The following FASN variants were observed in gnomAD, a reference collection of about 807,000 sequenced individuals.
FASN encodes the protein 3-hydroxyacyl-[acyl-carrier-protein] dehydratase.
Under a neutral mutation model 250.0 loss-of-function variants are expected in FASN, and 50 were observed. The observed-to-expected ratio is 0.20, with a 90% CI of 0.16 to 0.25. The LOEUF is 0.25. FASN is among the 10% of genes least tolerant of loss of function. The pLI, the probability that FASN is intolerant of heterozygous loss-of-function variation, is 1.00. For synonymous variants in FASN, 1,909 were observed against 1,584.0 expected, an observed-to-expected ratio of 1.21 and a Z score of -4.87; for missense variants, 3,031 against 3,498.5, an observed-to-expected ratio of 0.87 and a Z score of 3.37.
At chr17:82,097,974 C>A (rs894166977) in intron 1 of FASN, 147 bp downstream of exon 1, 2 of 279,076 alleles carry the variant, frequency 7.2e-6, no homozygotes, top group Non-Finnish European at 1.3e-5. Flanking sequence ...CACCGAGACC[C>A]GGACAGGCCG....
At chr17:82,093,920 C>T in intron 3 of FASN, 149 bp from the exon 4 acceptor site, 1 of 837,862 alleles carries the variant, frequency 1.2e-6, no homozygotes, top group South Asian at 1.5e-5. Flanking sequence ...TGGAAGGGGC[C>T]TAAGGAGGGT....
Position 82,093,427 on chromosome 17 carries a change from G to A in FASN, c.455-8C>T, listed in dbSNP as rs554957378. On this transcript the variant is annotated splice_region_variant and splice_polypyrimidine_tract_variant and intron_variant, in intron 4 of 42. Transcript: ENST00000306749. ...CCAGTGCGATGCTGGGCCCTGCAAGGAAGGGTGCTGCGGCTCAGGTGGGGC... is the reference window on the plus strand; with the variant it reads ...CCAGTGCGATGCTGGGCCCTGCAAGAAAGGGTGCTGCGGCTCAGGTGGGGC... 6.3e-7 allele frequency: 1 copy of A among 1,597,350 alleles called. No individual in the cohort carries two copies. The highest frequency in any genetic ancestry group is 1.1e-5 in the South Asian group (1 of 88,792).
intron 40 of FASN, 66 bp from the exon 41 acceptor site, chr17:82,080,304 A>C: frequency 6.2e-7 from 1 of 1,611,450 alleles, no homozygotes; most frequent in South Asian, 1.1e-5. Flanking sequence ...CGGTCCCCCA[A>C]AGCCAGGGCA....
At chr17:82,085,901 C>CA in intron 22 of FASN, 30 bp from the exon 23 acceptor site, 1 of 1,504,054 alleles carries the variant, frequency 6.6e-7, no homozygotes, top group South Asian at 1.3e-5. Context: ...GAATCAGCCC[C>CA]ACACCAGGCA....
intron 5 of FASN, 91 bp downstream of exon 5, chr17:82,093,128 G>A (rs41283369): frequency 0.023 from 35,913 of 1,549,066 alleles, 488 homozygotes; most frequent in Non-Finnish European, 0.027. Context: ...GATCCCCGGA[G>A]CTGGCAGGAT....
Position 82,083,742 on chromosome 17 carries a change from AGGCAGGTGGGG to A in FASN, c.5218+19_5218+29del. 1 of 1,610,896 alleles carries A rather than the reference AGGCAGGTGGGG, an allele frequency of 6.2e-7. No homozygotes were observed. Among genetic ancestry groups the A allele is most frequent in the Non-Finnish European group, 8.5e-7 (1 of 1,179,498 alleles). ...CTCCCTGGGCCGGAGGCTAGGCAGGAGGCAGGTGGGGGCTGTGGGGGCCACTCACCCTTCCC... is the reference window on the plus strand; with the variant it reads ...CTCCCTGGGCCGGAGGCTAGGCAGGAGCTGTGGGGGCCACTCACCCTTCCC... On this transcript the variant is annotated intron_variant, in intron 30 of 42. Transcript: ENST00000306749.
rs1568114836 is a variant in FASN, at chr17:82,090,923, CA to C, written c.1638del (p.Phe546LeufsTer9). ...QLLLSTDEST[F>X]DDIVHSFVSL... ...CTCACAAACGAATGGACGATGTCAT[CA>C]AAGGTGCTCTCGTCTGTGCTCAGCA... On this transcript the variant is annotated frameshift_variant, in exon 10 of 43. Transcript: ENST00000306749. LOFTEE classifies it high-confidence loss of function. The C allele has an allele frequency of 6.2e-7, 1 of 1,610,424 alleles. No individual in the cohort carries two copies. Among genetic ancestry groups the C allele is most frequent in the Non-Finnish European group, 8.5e-7 (1 of 1,178,930 alleles).
Position 82,081,336 on chromosome 17 carries a change from A to C in FASN, c.6423T>G (p.Ala2141=). ...VAHILGIRDL[A]AVNLDSSLAD... is the part of the protein sequence containing the mutation. ...CCAGTGAGCTGTCCAGGTTGACAGC[A>C]GCCAAGTCGCGGATGCCTGGAAGGG... Residue 2141 remains alanine (A), a synonymous_variant, in exon 38 of 43, where the codon GCT becomes GCG. Transcript: ENST00000306749. 1 of 1,558,882 alleles carries C rather than the reference A, an allele frequency of 6.4e-7. No homozygotes were observed. The highest frequency in any genetic ancestry group is 8.7e-7 in the Non-Finnish European group (1 of 1,152,014).
Position 82,092,680 on chromosome 17 carries a change from G to C in FASN, c.894+17C>G, listed in dbSNP as rs1469681243. The C allele has an allele frequency of 1.4e-3, 1 of 718 alleles. No individual in the cohort carries two copies. Among genetic ancestry groups the C allele is most frequent in the Non-Finnish European group, 1.7e-3 (1 of 588 alleles). 0.0% of individuals were successfully genotyped at this position (718 alleles called of 1,614,324 possible). On this transcript the variant is annotated intron_variant, in intron 7 of 42. Transcript: ENST00000306749. ...GGCTCATGGGGTGGTGAGTGGGGCG[G>C]GGGGGGGGGGCATCACCTTGGTGCC... is the stretch of plus-strand genomic sequence containing the variant.
At chr17:82,083,949 G>T in intron 29 of FASN, 26 bp downstream of exon 29, 1 of 1,545,028 alleles carries the variant, frequency 6.5e-7, no homozygotes. Flanking sequence ...GGAGGGCAGC[G>T]GGAGGCACCG....
At chr17:82,095,932 C>T (rs1035270385) in intron 2 of FASN, among the ~76,000 whole-genome samples, 3 of 152,220 alleles carry the variant, frequency 2.0e-5, no homozygotes, top group Non-Finnish European at 4.4e-5. Flanking sequence ...GCCGGAAGGG[C>T]TCTGGCCCCC....
chr17:82,083,252 C>T lies in FASN; in HGVS notation c.5515G>A (p.Ala1839Thr), dbSNP rs1358061085. Reference sequence around the variant, plus strand: ...TTCCCTTGGGCCATGTAGCGGAAGGCGTCCTCCACCTGGGCCCCATGGAAC... The same window carrying T: ...TTCCCTTGGGCCATGTAGCGGAAGGTGTCCTCCACCTGGGCCCCATGGAAC... Reference protein sequence around the residue: ...TVFHGAQVEDAFRYMAQGKHI... With the variant: ...TVFHGAQVEDTFRYMAQGKHI... Residue 1839 changes from alanine to threonine, a missense_variant, in exon 32 of 43, where the codon GCC (alanine) becomes ACC (threonine). Ala to Thr is a moderately conservative substitution (Grantham distance 58). Coordinates refer to ENST00000306749, the MANE Select transcript of FASN (RefSeq NM_004104.5). The T allele has an allele frequency of 3.1e-6, 5 of 1,612,600 alleles. No homozygotes were observed. Among genetic ancestry groups the T allele is most frequent in the African/African-American group, 1.3e-5 (1 of 74,918 alleles).
rs772266342 is a variant in FASN at position 82,088,715 on chromosome 17, C to T, written c.2420+46G>A. 14 of 1,571,326 alleles carry T rather than the reference C, an allele frequency of 8.9e-6. No homozygotes were observed. In the East Asian group the frequency reaches 1.1e-4, roughly 13 times the overall value. The stretch of plus-strand genomic sequence containing the variant: ...GCAGCCCCGCTCACCCACCCCACGC[C>T]GTCCCCGACTCCGGGAGACGAGACC... On this transcript the variant is annotated intron_variant, in intron 15 of 42. Transcript: ENST00000306749.
chr17:82,083,695 T>C, intron 30 of FASN, 56 bp from the exon 31 acceptor site: 1 of 1,605,162 alleles, frequency 6.2e-7, no homozygotes, highest in Non-Finnish European at 8.5e-7. Context: ...GCCACCACAG[T>C]CCAGAGGGCC....
Position 82,087,116 on chromosome 17 carries a change from G to C in FASN, c.3361C>G (p.Pro1121Ala). ...VPILEKFCFT[P>A]HTEEGCLSER... is the part of the protein sequence containing the mutation. The stretch of plus-strand genomic sequence containing the variant: ...GACAGGCACCCCTCCTCCGTGTGGG[G>C]AGTGAAGCAAAACTTCTCCAGGATG... The change falls in exon 21 of 43, where the codon CCC becomes GCC. Residue 1121 changes from proline (P) to alanine (A), a missense_variant. By Grantham distance (27) the Pro-to-Ala change is conservative. Transcript: ENST00000306749. The C allele has an allele frequency of 1.2e-6, 2 of 1,612,140 alleles. No individual in the cohort carries two copies. The highest frequency in any genetic ancestry group is 2.2e-5 in the South Asian group (2 of 91,000).
At position 82,084,693 on chromosome 17, in the gene FASN, G is replaced by A; in HGVS notation, c.4588C>T (p.His1530Tyr). The change falls in exon 27 of 43, where the codon CAT (histidine) becomes TAT (tyrosine). Residue 1530 changes from histidine (H) to tyrosine (Y), a missense_variant. Coordinates refer to ENST00000306749, the MANE Select transcript of FASN (RefSeq NM_004104.5). ...CGGGTGAGGGTGCTCACAAAGGCAT[G>A]TGCCGTCGGCTCCTCAGGCTTGTCT... The part of the protein sequence containing the change: ...EEDKPEEPTA[H>Y]AFVSTLTRGD... The A allele has an allele frequency of 2.5e-6, 4 of 1,572,550 alleles. No individual in the cohort carries two copies. The highest frequency in any genetic ancestry group is 3.5e-6 in the Non-Finnish European group (4 of 1,159,320).
chr17:82,087,818 G>C lies in FASN; in HGVS notation c.2910C>G (p.Asp970Glu), dbSNP rs767695321. 1.2e-6 allele frequency: 2 copies of C among 1,612,628 alleles called. No homozygotes were observed. Among genetic ancestry groups the C allele is most frequent in the Non-Finnish European group, 1.7e-6 (2 of 1,179,912 alleles). ...GGTTGGGGGTGGGGCTTTCCGGGTG[G>C]TCGAAGAGCCTGGGGTCAGGGTCAT... ...QWDDPDPRLF[D>E]HPESPTPNPT... The change falls in exon 19 of 43, where the codon GAC (aspartate) becomes GAG (glutamate). Residue 970 changes from aspartate (D) to glutamate (E), a missense_variant. By Grantham distance (45) the Asp-to-Glu change is conservative (BLOSUM62 2). Coordinates refer to ENST00000306749, the MANE Select transcript of FASN (RefSeq NM_004104.5).
Position 82,083,071 on chromosome 17 carries a change from G to C in FASN, c.5610C>G (p.Pro1870=), listed in dbSNP as rs2034020515. 1 of 1,611,918 alleles carries C rather than the reference G, an allele frequency of 6.2e-7. No individual in the cohort carries two copies. The highest frequency in any genetic ancestry group is 8.5e-7 in the Non-Finnish European group (1 of 1,179,976). Residue 1870 remains proline, a synonymous_variant, in exon 33 of 43, where the codon CCC becomes CCG. Coordinates refer to ENST00000306749, the MANE Select transcript of FASN (RefSeq NM_004104.5). ...EPEAVLKGAK[P]KLMSAISKTF... ...TCTTGGAGATGGCCGACATCAGCTT[G>C]GGTTTGGCCCCCTTCAGCACTGCCT...
intron 21 of FASN, 95 bp downstream of exon 21, chr17:82,086,955 G>A: frequency 6.9e-6 from 10 of 1,443,332 alleles, no homozygotes; most frequent in Non-Finnish European, 8.6e-6. Flanking sequence ...CCCCAAAGGG[G>A]GCCCCGTGGA....
Sources: allele counts gnomAD v4.1 joint callset (sites outside exome capture counted in the v4.1 genomes callset), GRCh38; gene constraint gnomAD v4.1.1; transcripts MANE v1.5; gene names NCBI Gene and HGNC (gene_info 2026-07-23, HGNC 2026-07-21).